MGAT4C: variants seen among roughly 807,000 people sequenced by gnomAD.
MGAT4C encodes the protein MGAT4 family member C, also known as alpha-1,3-mannosyl-glycoprotein 4-beta-N-acetylglucosaminyltransferase C.
A neutral mutation model predicts 40.1 loss-of-function variants in MGAT4C; 19 were observed. The observed-to-expected ratio is 0.47, with a 90% CI of 0.33 to 0.70. MGAT4C has a LOEUF of 0.70. MGAT4C is among the 30% of genes least tolerant of loss of function. The pLI is 0.02. For missense variants in MGAT4C, 491 were observed against 563.2 expected, an observed-to-expected ratio of 0.87 and a Z score of 1.30; for synonymous variants, 181 against 187.1, an observed-to-expected ratio of 0.97 and a Z score of 0.27.
intron 3 of MGAT4C, among the ~76,000 whole-genome samples, chr12:86,369,612 T>C (rs574835681): frequency 6.6e-6 from 1 of 152,188 alleles, no homozygotes; most frequent in East Asian, 1.9e-4. Flanking sequence ...GCACTTTTAC[T>C]TTCTCCACAT....
At chr12:86,167,120 A>G (rs1886276576) in intron 1 of MGAT4C, among the ~76,000 whole-genome samples, 2 of 152,178 alleles carry the variant, frequency 1.3e-5, no homozygotes, top group African/African-American at 4.8e-5. Context: ...ACACAAATAC[A>G]AGACCTAAAA....
chr12:86,627,386 T>A (rs1303421124), intron 2 of MGAT4C, among the ~76,000 whole-genome samples: 1 of 152,110 alleles, frequency 6.6e-6, no homozygotes, highest in Admixed American at 6.5e-5. Flanking sequence ...CAGCATGGTG[T>A]TTGAGCTCTG....
intron 2 of MGAT4C, among the ~76,000 whole-genome samples, chr12:86,498,487 G>A (rs994414711): frequency 1.3e-5 from 2 of 151,760 alleles, no homozygotes; most frequent in Admixed American, 6.6e-5. Context: ...TTATCATTTA[G>A]TACCATCAAA....
chr12:86,029,910 A>G (rs1242625885), intron 2 of MGAT4C, among the ~76,000 whole-genome samples: 1 of 151,882 alleles, frequency 6.6e-6, no homozygotes, highest in Non-Finnish European at 1.5e-5. Flanking sequence ...TTGGAGGGAC[A>G]GTATAGAAAC....
chr12:86,182,255 C>T (rs996669957), intron 1 of MGAT4C, among the ~76,000 whole-genome samples: 13 of 151,978 alleles, frequency 8.6e-5, no homozygotes, highest in Admixed American at 3.3e-4. Flanking sequence ...TTTTTCTCTT[C>T]TCGCTTTTGA....
At chr12:86,549,661 C>G (rs1288322033) in intron 2 of MGAT4C, among the ~76,000 whole-genome samples, 1 of 152,144 alleles carries the variant, frequency 6.6e-6, no homozygotes, top group East Asian at 1.9e-4. Context: ...AGCTGAGTAA[C>G]GTCAGCAAGA....
chr12:86,498,182 T>C (rs900290498), intron 2 of MGAT4C, among the ~76,000 whole-genome samples: 1 of 151,312 alleles, frequency 6.6e-6, no homozygotes. Flanking sequence ...CTTTTCTCAT[T>C]TGTATATTCT....
intron 3 of MGAT4C, among the ~76,000 whole-genome samples, chr12:86,429,432 C>G (rs183533808): frequency 1.3e-5 from 2 of 152,298 alleles, no homozygotes; most frequent in East Asian, 3.9e-4. Flanking sequence ...AATGTATACA[C>G]TGTTGCGGTT....
chr12:86,765,124 A>AG (rs1194942118), intron 1 of MGAT4C, among the ~76,000 whole-genome samples: 1 of 152,106 alleles, frequency 6.6e-6, no homozygotes, highest in East Asian at 1.9e-4. Flanking sequence ...TTAAAAAAAA[A>AG]TTAGACGAAT....
At chr12:86,611,459 T>TAGATAGAC (rs1962273281) in intron 2 of MGAT4C, among the ~76,000 whole-genome samples, 1 of 142,856 alleles carries the variant, frequency 7.0e-6, no homozygotes, top group Admixed American at 6.9e-5. Context: ...AGATAGATGA[T>TAGATAGAC]AGATAGATAG....
chr12:86,505,717 G>A (rs916742956), intron 2 of MGAT4C, among the ~76,000 whole-genome samples: 3 of 152,152 alleles, frequency 2.0e-5, no homozygotes, highest in African/African-American at 4.8e-5. Context: ...AGGTTCATTT[G>A]TATGTACTGG....
At chr12:86,112,898 G>A (rs1474208117) in intron 1 of MGAT4C, among the ~76,000 whole-genome samples, 1 of 151,720 alleles carries the variant, frequency 6.6e-6, no homozygotes, top group Admixed American at 6.6e-5. Flanking sequence ...TTGCAAGGGT[G>A]TTTGGGGGAA....
intron 2 of MGAT4C, among the ~76,000 whole-genome samples, chr12:86,687,134 G>A (rs948200343): frequency 1.3e-5 from 2 of 152,110 alleles, no homozygotes; most frequent in Non-Finnish European, 2.9e-5. Context: ...TTTGTGTAGA[G>A]GTGTTTACAG....
chr12:86,500,147 T>C (rs1392016394), intron 2 of MGAT4C, among the ~76,000 whole-genome samples: 2 of 151,970 alleles, frequency 1.3e-5, no homozygotes, highest in African/African-American at 4.8e-5. Context: ...TATATATACA[T>C]GTATGTGTGT....
At chr12:86,653,536 C>T (rs971728338) in intron 2 of MGAT4C, among the ~76,000 whole-genome samples, 2 of 151,828 alleles carry the variant, frequency 1.3e-5, no homozygotes, top group Admixed American at 6.6e-5. Context: ...TAGCTTTAGC[C>T]TTCAGACCTG....
At chr12:86,216,423 G>A (rs1348135072) in intron 1 of MGAT4C, among the ~76,000 whole-genome samples, 1 of 152,168 alleles carries the variant, frequency 6.6e-6, no homozygotes, top group Non-Finnish European at 1.5e-5. Context: ...AAACGATGTA[G>A]CCATCTGGGC....
chr12:86,103,586 C>T (rs1437155366), intron 1 of MGAT4C, among the ~76,000 whole-genome samples: 1 of 152,068 alleles, frequency 6.6e-6, no homozygotes, highest in Non-Finnish European at 1.5e-5. Flanking sequence ...CTTGTTTGTA[C>T]CAATTTGTTA....
chr12:86,714,075 A>G (rs1950602321), intron 2 of MGAT4C, among the ~76,000 whole-genome samples: 1 of 152,186 alleles, frequency 6.6e-6, no homozygotes, highest in Non-Finnish European at 1.5e-5. Flanking sequence ...ACAAAAATTT[A>G]ACTTGAAATT....
intron 1 of MGAT4C, among the ~76,000 whole-genome samples, chr12:86,210,082 A>C (rs377686386): frequency 1.4e-4 from 21 of 152,232 alleles, no homozygotes; most frequent in African/African-American, 5.1e-4. Context: ...TTGCTCTCCA[A>C]TTTATCTACC....
Sources: allele counts gnomAD v4.1 joint callset (sites outside exome capture counted in the v4.1 genomes callset), GRCh38; gene constraint gnomAD v4.1.1; transcripts MANE v1.5; gene names NCBI Gene and HGNC (gene_info 2026-07-23, HGNC 2026-07-21).